The following MDGA2 variants were observed in gnomAD, a reference collection of about 807,000 sequenced individuals.
MDGA2 encodes the protein MAM domain containing glycosylphosphatidylinositol anchor 2.
A neutral mutation model predicts 117.8 loss-of-function variants in MDGA2; 40 were observed. The ratio of observed to expected loss-of-function variants is 0.34; its 90% CI spans 0.26 to 0.44. The LOEUF (loss-of-function observed/expected upper bound fraction) is 0.44. Among genes scored for constraint, MDGA2 ranks in the 20% least tolerant of loss-of-function variants. The pLI, the probability that MDGA2 is intolerant of heterozygous loss-of-function variation, is 1.00. For synonymous variants in MDGA2, 452 were observed against 439.0 expected (o/e 1.03, Z -0.37); for missense variants, 1,123 against 1,250.6 (o/e 0.90, Z 1.54).
At chr14:47,404,052 A>G (rs1892209842) in intron 1 of MDGA2, among the ~76,000 whole-genome samples, 1 of 152,110 alleles carries the variant, frequency 6.6e-6, no homozygotes, top group Admixed American at 6.6e-5. Context: ...TCATTTCTGA[A>G]GGCTCCTGTG....
intron 6 of MDGA2, among the ~76,000 whole-genome samples, chr14:47,066,246 G>A (rs1341060270): frequency 6.6e-6 from 1 of 152,128 alleles, no homozygotes; most frequent in African/African-American, 2.4e-5. Flanking sequence ...TGAATATGGT[G>A]CATTGTTAAA....
intron 1 of MDGA2, among the ~76,000 whole-genome samples, chr14:47,577,032 C>T (rs10438103): frequency 0.69 from 105,578 of 152,060 alleles, 38,038 homozygotes; most frequent in East Asian, 1. Flanking sequence ...ATTACAAGCA[C>T]GAGCCACCAT....
intron 8 of MDGA2, among the ~76,000 whole-genome samples, chr14:46,984,640 T>G (rs1886800650): frequency 6.6e-6 from 1 of 151,978 alleles, no homozygotes; most frequent in Admixed American, 6.6e-5. Flanking sequence ...ACAATGGATT[T>G]ATAGTACTAC....
chr14:47,404,869 C>A (rs886399999), intron 1 of MDGA2, among the ~76,000 whole-genome samples: 3 of 152,176 alleles, frequency 2.0e-5, no homozygotes, highest in African/African-American at 4.8e-5. Flanking sequence ...TGACAGATAT[C>A]TTTTAAGTAT....
intron 9 of MDGA2, among the ~76,000 whole-genome samples, chr14:46,948,492 T>G (rs1212236965): frequency 6.6e-6 from 1 of 151,968 alleles, no homozygotes; most frequent in Non-Finnish European, 1.5e-5. Flanking sequence ...TCTCTCAGTT[T>G]GAAATACTCT....
chr14:46,979,554 T>C (rs935576994), intron 8 of MDGA2, among the ~76,000 whole-genome samples: 2 of 152,188 alleles, frequency 1.3e-5, no homozygotes. Context: ...TTAAAAGTGC[T>C]ACTCCAGGGA....
chr14:47,661,712 T>C (rs997362876), intron 1 of MDGA2, among the ~76,000 whole-genome samples: 1 of 151,786 alleles, frequency 6.6e-6, no homozygotes, highest in Non-Finnish European at 1.5e-5. Context: ...TATTTCTCTT[T>C]TGTCAACTGC....
chr14:47,105,860 G>A (rs148841944), intron 5 of MDGA2, among the ~76,000 whole-genome samples: 16,848 of 151,390 alleles, frequency 0.11, 1,083 homozygotes, highest in Admixed American at 0.11. Context: ...GCTGCTCCTC[G>A]CCAGGCTGAG....
chr14:46,867,819 G>T (rs1255772674), intron 14 of MDGA2, among the ~76,000 whole-genome samples: 1 of 151,696 alleles, frequency 6.6e-6, no homozygotes, highest in Non-Finnish European at 1.5e-5. Flanking sequence ...ATTTCTCTTT[G>T]CATTAATTGT....
intron 1 of MDGA2, among the ~76,000 whole-genome samples, chr14:47,551,629 G>C (rs1233666015): frequency 6.6e-6 from 1 of 151,992 alleles, no homozygotes; most frequent in Non-Finnish European, 1.5e-5. Context: ...TATCAATCCT[G>C]CATCTCCCAA....
At chr14:47,385,373 G>C (rs57197047) in intron 1 of MDGA2, among the ~76,000 whole-genome samples, 43,663 of 151,654 alleles carry the variant, frequency 0.29, 6,607 homozygotes, top group Middle Eastern at 0.41. Context: ...AAAAATAATT[G>C]AAATATGTGA....
intron 8 of MDGA2, among the ~76,000 whole-genome samples, chr14:47,016,769 T>C (rs1001229553): frequency 3.3e-5 from 5 of 152,120 alleles, no homozygotes; most frequent in African/African-American, 4.8e-5. Flanking sequence ...TATATATTCA[T>C]AATCAAAAAA....
At chr14:47,595,085 A>G (rs1325750080) in intron 1 of MDGA2, among the ~76,000 whole-genome samples, 2 of 152,144 alleles carry the variant, frequency 1.3e-5, no homozygotes, top group Non-Finnish European at 2.9e-5. Context: ...TCTAGAACAA[A>G]GCCTGTAACA....
chr14:47,077,316 GT>G (rs527445075), intron 6 of MDGA2, among the ~76,000 whole-genome samples: 20 of 152,162 alleles, frequency 1.3e-4, no homozygotes, highest in African/African-American at 4.3e-4. Flanking sequence ...TCATCATAGG[GT>G]TAGTGTGAAA....
intron 8 of MDGA2, among the ~76,000 whole-genome samples, chr14:47,026,430 T>G (rs1429875495): frequency 6.6e-6 from 1 of 152,114 alleles, no homozygotes; most frequent in African/African-American, 2.4e-5. Context: ...GGCATGGGTC[T>G]TTGATTAGAA....
intron 1 of MDGA2, among the ~76,000 whole-genome samples, chr14:47,382,477 G>C (rs1336302486): frequency 1.3e-5 from 2 of 152,118 alleles, no homozygotes; most frequent in Non-Finnish European, 2.9e-5. Context: ...CTAATATCCA[G>C]AATCTACAAA....
intron 4 of MDGA2, among the ~76,000 whole-genome samples, chr14:47,133,683 C>A (rs1350427429): frequency 6.6e-6 from 1 of 152,012 alleles, no homozygotes; most frequent in East Asian, 1.9e-4. Context: ...CACATCTGAA[C>A]TCAACATATC....
intron 2 of MDGA2, among the ~76,000 whole-genome samples, chr14:47,245,661 T>C (rs971229655): frequency 6.6e-6 from 1 of 151,842 alleles, no homozygotes; most frequent in Non-Finnish European, 1.5e-5. Context: ...AAAAAGTAAG[T>C]TGTAAAACTG....
chr14:47,474,989 A>C (rs896591134), intron 1 of MDGA2, among the ~76,000 whole-genome samples: 1 of 152,232 alleles, frequency 6.6e-6, no homozygotes, highest in Non-Finnish European at 1.5e-5. Context: ...AATGGGGGCT[A>C]ATTAAACTAA....
Sources: allele counts gnomAD v4.1 joint callset (sites outside exome capture counted in the v4.1 genomes callset), GRCh38; gene constraint gnomAD v4.1.1; transcripts MANE v1.5; gene names NCBI Gene and HGNC (gene_info 2026-07-23, HGNC 2026-07-21).